MDN1: variants seen among roughly 807,000 people sequenced by gnomAD.
MDN1 encodes the protein midasin AAA ATPase 1.
A neutral mutation model predicts 669.2 loss-of-function variants in MDN1; 266 were observed. The observed-to-expected ratio is 0.40, with a 90% CI of 0.36 to 0.44. MDN1 has a LOEUF of 0.44. Ranked by LOEUF, MDN1 falls within the 20% of genes least tolerant of loss-of-function variation. The pLI is 1.00. For synonymous variants in MDN1, 2,385 were observed against 2,457.1 expected (o/e 0.97, Z 0.87); for missense variants, 5,940 against 6,754.0 (o/e 0.88, Z 4.22).
Position 89,718,556 on chromosome 6 carries a change from A to C in MDN1, c.6393T>G (p.Asp2131Glu). ...VEGTVRALLRDSLLISADDAE... is the reference protein window; with the variant it reads ...VEGTVRALLRESLLISADDAE... Reference sequence around the variant, plus strand: ...CATCATCAGCACTGATAAGGAGGCTATCCCTTAACAGTGCCCTTACAGTTC... The same window carrying C: ...CATCATCAGCACTGATAAGGAGGCTCTCCCTTAACAGTGCCCTTACAGTTC... The change falls in exon 43 of 102, where the codon GAT becomes GAG. Residue 2131 changes from aspartate to glutamate, a missense_variant. By Grantham distance (45) the Asp-to-Glu change is conservative. This residue lies in a region of MDN1 where 2,292 missense variants were observed against 2,638.3 expected (regional missense o/e 0.87). Transcript: ENST00000369393. 6.2e-7 allele frequency: 1 copy of C among 1,614,156 alleles called. No individual in the cohort carries two copies. Among genetic ancestry groups the C allele is most frequent in the South Asian group, 1.1e-5 (1 of 91,082 alleles).
At chr6:89,694,632 C>T (rs889485948) in intron 61 of MDN1, among the ~76,000 whole-genome samples, 2 of 152,090 alleles carry the variant, frequency 1.3e-5, no homozygotes. Context: ...CAGGCTTGAC[C>T]CCGCAGGCTC....
intron 17 of MDN1, among the ~76,000 whole-genome samples, chr6:89,759,444 A>G (rs1562189247): frequency 6.6e-6 from 1 of 152,174 alleles, no homozygotes; most frequent in Non-Finnish European, 1.5e-5. Flanking sequence ...TCCTAGATTT[A>G]ATTGGTTTTA....
intron 4 of MDN1, 21 bp from the exon 5 acceptor site, chr6:89,793,975 G>A (rs373027068): frequency 1.1e-5 from 18 of 1,582,950 alleles, no homozygotes; most frequent in East Asian, 2.2e-5. Flanking sequence ...GGAGAGTCTC[G>A]TCAATTACCT....
chr6:89,797,484 A>C (rs542100588), intron 2 of MDN1: 73 of 211,250 alleles, frequency 3.5e-4, no homozygotes, highest in Admixed American at 6.3e-4. Flanking sequence ...TCTCTGATAA[A>C]GGTATGTGGT....
At chr6:89,758,115 G>C in intron 19 of MDN1, 140 bp downstream of exon 19, 1 of 639,598 alleles carries the variant, frequency 1.6e-6, no homozygotes, top group South Asian at 2.0e-5. Flanking sequence ...TCAGGATTCT[G>C]AGGTGGGAGG....
In MDN1 at chr6:89,661,476, C is replaced by T. The variant is rs779953561; in HGVS notation, c.14668G>A (p.Glu4890Lys). 6.2e-7 allele frequency: 1 copy of T among 1,614,050 alleles called. No homozygotes were observed. Among genetic ancestry groups the T allele is most frequent in the Non-Finnish European group, 8.5e-7 (1 of 1,180,016 alleles). ...GTGTCCTCACCACCATTCTTGTCTT[C>T]ACTGTCGAGGTTCAAGTCATCTGGA... ...DLPDDLNLDS[E>K]DKNGGEDTDN... Residue 4890 changes from glutamate (E) to lysine (K), a missense_variant, in exon 88 of 102, where the codon GAA (glutamate) becomes AAA (lysine). This residue lies in a region of MDN1 where 2,280 missense variants were observed against 2,576.3 expected (regional missense o/e 0.88). Coordinates refer to ENST00000369393, the MANE Select transcript of MDN1 (RefSeq NM_014611.3).
In MDN1 at chr6:89,643,217, T is replaced by C. The variant is rs1347922229; in HGVS notation, c.*788A>G. ...AGGAATCACTCTTCCCCTTGACTGT[T>C]AAGAAAAAAAAAAATGAACTAAACA... On this transcript the variant is annotated 3_prime_UTR_variant, in exon 102 of 102. Transcript: ENST00000369393. The C allele has an allele frequency of 6.6e-6, 1 of 150,754 alleles. No homozygotes were observed. Among genetic ancestry groups the C allele is most frequent in the East Asian group, 1.9e-4 (1 of 5,168 alleles). The allele number at this position is 150,754 out of a possible 1,614,324, so 9.3% of individuals were successfully genotyped here. A position where few individuals can be genotyped will look rare whatever the true frequency, so the allele number is the denominator to read the frequency against.
intron 1 of MDN1, among the ~76,000 whole-genome samples, chr6:89,817,117 C>A (rs2128333433): frequency 6.6e-6 from 1 of 152,272 alleles, no homozygotes; most frequent in South Asian, 2.1e-4. Flanking sequence ...GTTGTCCCAG[C>A]TTTCCAGACC....
intron 7 of MDN1, among the ~76,000 whole-genome samples, chr6:89,788,836 G>T (rs1665905196): frequency 6.6e-6 from 1 of 152,104 alleles, no homozygotes; most frequent in Non-Finnish European, 1.5e-5. Flanking sequence ...GAATAAAGAG[G>T]TAAGGAAGGC....
At chr6:89,703,179 C>A (rs181814949) in intron 53 of MDN1, among the ~76,000 whole-genome samples, 45 of 152,188 alleles carry the variant, frequency 3.0e-4, no homozygotes, top group Non-Finnish European at 6.2e-4. Context: ...TCAGGTGATC[C>A]ACCCACCTCG....
Position 89,713,304 on chromosome 6 carries a change from A to G in MDN1, c.7070-8T>C, listed in dbSNP as rs754800243. The G allele has an allele frequency of 2.5e-6, 4 of 1,602,636 alleles. No homozygotes were observed. Among genetic ancestry groups the G allele is most frequent in the Non-Finnish European group, 3.4e-6 (4 of 1,175,996 alleles). On this transcript the variant is annotated splice_region_variant and splice_polypyrimidine_tract_variant and intron_variant, in intron 46 of 101. Coordinates refer to ENST00000369393, the MANE Select transcript of MDN1 (RefSeq NM_014611.3). ...CAGAAGATGTTGGAGAACCTATTAA[A>G]AAAAAATTGCCATCTATAAACAATA...
chr6:89,780,372 C>G, intron 10 of MDN1, 79 bp from the exon 11 acceptor site: 1 of 848,244 alleles, frequency 1.2e-6, no homozygotes. Flanking sequence ...AATTTATTGA[C>G]CCACTTAAGT....
At chr6:89,675,016 T>C (rs1240175515) in intron 78 of MDN1, among the ~76,000 whole-genome samples, 1 of 152,222 alleles carries the variant, frequency 6.6e-6, no homozygotes, top group Non-Finnish European at 1.5e-5. Flanking sequence ...GGAGCCTCCA[T>C]GTATGGCTCA....
In MDN1 at chr6:89,661,511, G is replaced by A. The variant is rs1373255647; in HGVS notation, c.14633C>T (p.Ala4878Val). The change falls in exon 88 of 102, where the codon GCT becomes GTT. Residue 4878 changes from alanine to valine, a missense_variant. This residue lies in a region of MDN1 where 2,280 missense variants were observed against 2,576.3 expected (regional missense o/e 0.88). Coordinates refer to ENST00000369393, the MANE Select transcript of MDN1 (RefSeq NM_014611.3). ...GTTCAAGTCATCTGGAAGGTCCAAA[G>A]CCTCGGGTTCTGGCACCTTTTCCTG... ...GNQEKVPEPE[A>V]LDLPDDLNLD... 5.0e-6 allele frequency: 8 copies of A among 1,614,054 alleles called. No homozygotes were observed. Among genetic ancestry groups the A allele is most frequent in the Non-Finnish European group, 6.8e-6 (8 of 1,180,022 alleles).
chr6:89,718,791 A>T lies in MDN1; in HGVS notation c.6297T>A (p.Thr2099=), dbSNP rs1814607414. 1.2e-6 allele frequency: 2 copies of T among 1,614,178 alleles called. No homozygotes were observed. Among genetic ancestry groups the T allele is most frequent in the African/African-American group, 1.3e-5 (1 of 75,070 alleles). ...CCTGCTCAAATCCACCCAGCAGCTC[A>T]GTAGTATCCATTGCACTGTTCATAG... ...IMAMNSAMDT[T]ELLGGFEQVD... The change falls in exon 42 of 102, where the codon ACT becomes ACA. Residue 2099 remains threonine, a synonymous_variant. Coordinates refer to ENST00000369393, the MANE Select transcript of MDN1 (RefSeq NM_014611.3).
chr6:89,670,690 G>GA (rs371933306), intron 83 of MDN1, among the ~76,000 whole-genome samples: 9 of 152,226 alleles, frequency 5.9e-5, no homozygotes, highest in African/African-American at 2.2e-4. Context: ...CAGTTTGGGG[G>GA]AAAGGGTGGG....
intron 29 of MDN1, 139 bp downstream of exon 29, chr6:89,745,134 T>TAAAAAAAAAAAAAAAAAAAAAAAAAAA: frequency 3.6e-6 from 1 of 274,654 alleles, no homozygotes; most frequent in Non-Finnish European, 5.0e-6. Context: ...AGTCTCTTCT[T>TAAAAAAAAAAAAAAAAAAAAAAAAAAA]AAAAAAAAAA....
intron 1 of MDN1, chr6:89,815,441 A>G: frequency 2.9e-6 from 1 of 344,194 alleles, no homozygotes; most frequent in South Asian, 2.3e-5. Context: ...TTCGTACCCC[A>G]GAATGTCTGT....
At chr6:89,645,698 C>T (rs921726199) in intron 100 of MDN1, among the ~76,000 whole-genome samples, 1 of 152,144 alleles carries the variant, frequency 6.6e-6, no homozygotes, top group Non-Finnish European at 1.5e-5. Flanking sequence ...AGAAAGGAAA[C>T]ACTCAACACT....
Sources: gnomAD v4.1 joint callset for allele counts (sites outside exome capture counted in the v4.1 genomes callset) on GRCh38, gnomAD v4.1.1 for gene constraint, gnomAD v4.1.1 regional missense constraint, MANE v1.5 for transcripts, NCBI Gene and HGNC (gene_info 2026-07-23, HGNC 2026-07-21) for gene names.